ST8SIA6: variants seen among roughly 807,000 people sequenced by gnomAD.
The protein encoded by ST8SIA6 is ST8 alpha-N-acetyl-neuraminide alpha-2,8-sialyltransferase 6, also known as alpha-2,8-sialyltransferase 8F.
ST8SIA6 carries 39 observed loss-of-function variants against 33.6 expected under a neutral mutation model. That is an observed-to-expected ratio of 1.16 (90% confidence interval 0.90 to 1.52). The LOEUF (loss-of-function observed/expected upper bound fraction) is 1.52, where lower values mean the gene tolerates loss of function less well. Among genes scored for constraint, ST8SIA6 ranks in the 40% most tolerant of loss-of-function variants. The pLI is 0.00. For synonymous variants in ST8SIA6, 172 were observed against 167.2 expected, an observed-to-expected ratio of 1.03 and a Z score of -0.22; for missense variants, 441 against 443.8, an observed-to-expected ratio of 0.99 and a Z score of 0.06.
At chr10:17,374,764 T>TATATATATATATATTTACAC (rs1441288579) in intron 3 of ST8SIA6, among the ~76,000 whole-genome samples, 1 of 126,848 alleles carries the variant, frequency 7.9e-6, no homozygotes, top group Non-Finnish European at 1.7e-5. Context: ...TATATATATA[T>TATATATATATATATTTACAC]ATATTTAGCT....
At chr10:17,432,624 T>A (rs1331738411) in intron 2 of ST8SIA6, among the ~76,000 whole-genome samples, 4 of 152,192 alleles carry the variant, frequency 2.6e-5, no homozygotes, top group African/African-American at 9.7e-5. Flanking sequence ...GACACCAAAT[T>A]GGTGTCTGAT....
chr10:17,415,801 G>GTTTT (rs1851587746), intron 2 of ST8SIA6, among the ~76,000 whole-genome samples: 2 of 124,374 alleles, frequency 1.6e-5, no homozygotes, highest in Non-Finnish European at 3.3e-5. Context: ...CGCCTCACTT[G>GTTTT]TCTTTTTTTT....
rs371617676 is a variant in ST8SIA6, at chr10:17,390,530, C to A, written c.290+1G>T. 6.2e-7 allele frequency: 1 copy of A among 1,609,644 alleles called. No homozygotes were observed. The highest frequency in any genetic ancestry group is 1.1e-5 in the South Asian group (1 of 90,610). On this transcript the variant is annotated splice_donor_variant, in intron 3 of 7. Transcript: ENST00000377602. LOFTEE classifies it high-confidence loss of function. Reference sequence around the variant, plus strand: ...AATTAAATGTGAAGAGTAGAACTTACCCTTTCGTTTTGTTAGAGAAAGACT... The same window carrying A: ...AATTAAATGTGAAGAGTAGAACTTAACCTTTCGTTTTGTTAGAGAAAGACT...
intron 3 of ST8SIA6, among the ~76,000 whole-genome samples, chr10:17,385,286 T>TC: frequency 6.6e-6 from 1 of 152,200 alleles, no homozygotes; most frequent in East Asian, 1.9e-4. Flanking sequence ...ACCTGGAAGT[T>TC]CCCCCCACAC....
intron 3 of ST8SIA6, among the ~76,000 whole-genome samples, chr10:17,377,496 G>A (rs1849957458): frequency 6.6e-6 from 1 of 152,172 alleles, no homozygotes; most frequent in Admixed American, 6.5e-5. Context: ...GCTATGTGCT[G>A]CACCCTTGTG....
chr10:17,421,632 A>G (rs1163327428), intron 2 of ST8SIA6, among the ~76,000 whole-genome samples: 2 of 152,076 alleles, frequency 1.3e-5, no homozygotes, highest in African/African-American at 4.8e-5. Context: ...GTGTAATCAC[A>G]GCTCACTGCT....
Position 17,321,300 on chromosome 10 carries a change from C to G in ST8SIA6, c.775G>C (p.Ala259Pro). 6.2e-7 allele frequency: 1 copy of G among 1,612,690 alleles called. No individual in the cohort carries two copies. Among genetic ancestry groups the G allele is most frequent in the South Asian group, 1.1e-5 (1 of 90,602 alleles). ...AGAAAAAATGCATCTCCATAGGTTG[C>G]AATGTCCTCCAGAAATAGGGCTTTT... The part of the protein sequence containing the change: ...EKKALFLEDI[A>P]TYGDAFFLLP... Residue 259 changes from alanine to proline, a missense_variant, in exon 8 of 8, where the codon GCA becomes CCA. By Grantham distance (27) the Ala-to-Pro change is conservative. Transcript: ENST00000377602.
At chr10:17,440,291 C>G (rs1026587135) in intron 2 of ST8SIA6, among the ~76,000 whole-genome samples, 2 of 150,728 alleles carry the variant, frequency 1.3e-5, no homozygotes, top group African/African-American at 5.0e-5. Flanking sequence ...ACTGCAACTC[C>G]GCCTCCCGGG....
chr10:17,406,379 G>T (rs747104448), intron 2 of ST8SIA6, among the ~76,000 whole-genome samples: 2 of 152,068 alleles, frequency 1.3e-5, no homozygotes, highest in Admixed American at 6.6e-5. Flanking sequence ...CCACTTCTAG[G>T]ATCCTGGGAC....
At chr10:17,448,512 C>T (rs769527818) in intron 2 of ST8SIA6, among the ~76,000 whole-genome samples, 4 of 152,208 alleles carry the variant, frequency 2.6e-5, no homozygotes, top group Non-Finnish European at 5.9e-5. Flanking sequence ...CGGGCCGTTT[C>T]ATTAATCTCC....
intron 4 of ST8SIA6, among the ~76,000 whole-genome samples, chr10:17,334,551 A>AATTAAT (rs1554785998): frequency 1.4e-5 from 2 of 142,774 alleles, no homozygotes; most frequent in African/African-American, 5.1e-5. Flanking sequence ...AAAAAAAAAA[A>AATTAAT]ATTATTATTA....
Position 17,349,950 on chromosome 10 carries a change from AC to A in ST8SIA6, c.377+9563del, listed in dbSNP as rs1848976616. Reference sequence around the variant, plus strand: ...AAATTAAATAAACACACACACACACACACATACACACACAAATGAAAATGTA... The same window carrying A: ...AAATTAAATAAACACACACACACACAACATACACACACAAATGAAAATGTA... On this transcript the variant is annotated intron_variant, in intron 4 of 7. Coordinates refer to ENST00000377602, the MANE Select transcript of ST8SIA6 (RefSeq NM_001004470.3). Among the ~76,000 whole-genome samples, 4 of 152,244 alleles carry A rather than the reference AC, an allele frequency of 2.6e-5. No homozygotes were observed. The South Asian group carries it at 8.3e-4, about 32-fold the overall frequency.
chr10:17,324,225 G>T (rs1206655967), intron 6 of ST8SIA6, among the ~76,000 whole-genome samples: 1 of 152,092 alleles, frequency 6.6e-6, no homozygotes, highest in African/African-American at 2.4e-5. Flanking sequence ...CCTAAGGAAG[G>T]TTGTTCAAAG....
chr10:17,365,483 G>A (rs948075233), intron 3 of ST8SIA6, among the ~76,000 whole-genome samples: 2 of 152,140 alleles, frequency 1.3e-5, no homozygotes, highest in Non-Finnish European at 2.9e-5. Context: ...CAATTCATAA[G>A]TTTAAAATCG....
intron 3 of ST8SIA6, among the ~76,000 whole-genome samples, chr10:17,373,550 A>G (rs1285742790): frequency 6.6e-6 from 1 of 152,150 alleles, no homozygotes. Context: ...GATACTGCCA[A>G]TAAAGCCCTC....
chr10:17,384,316 T>TG (rs1457238050), intron 3 of ST8SIA6, among the ~76,000 whole-genome samples: 1 of 152,232 alleles, frequency 6.6e-6, no homozygotes, highest in Non-Finnish European at 1.5e-5. Flanking sequence ...TGACTGGGCT[T>TG]GGCTTTTAAA....
At chr10:17,425,776 A>G (rs541997650) in intron 2 of ST8SIA6, among the ~76,000 whole-genome samples, 58 of 152,048 alleles carry the variant, frequency 3.8e-4, no homozygotes, top group African/African-American at 1.3e-3. Flanking sequence ...AAAGAAATGT[A>G]AGTAGGTTGT....
At chr10:17,327,351 C>G (rs764623030) in intron 5 of ST8SIA6, among the ~76,000 whole-genome samples, 1 of 151,976 alleles carries the variant, frequency 6.6e-6, no homozygotes, top group Non-Finnish European at 1.5e-5. Flanking sequence ...CTTTGGGAGG[C>G]CAAGGAGGGT....
chr10:17,374,071 C>CACA lies in ST8SIA6; in HGVS notation c.291-14472_291-14471insTGT, dbSNP rs1225769260. On this transcript the variant is annotated intron_variant, in intron 3 of 7. Transcript: ENST00000377602. ...AGTTATCTTTTAACATCAACAACCACCACACACACACACACACACACACAC... is the reference window on the plus strand; with the variant it reads ...AGTTATCTTTTAACATCAACAACCACACACACACACACACACACACACACACAC... Among the ~76,000 whole-genome samples, 1,102 of 139,074 alleles carry CACA rather than the reference C, an allele frequency of 7.9e-3. 9 individuals carry two copies. The highest frequency in any genetic ancestry group is 0.051 in the Middle Eastern group (14 of 276). The allele number at this position is 139,074 out of a possible 152,430, so 91.2% of individuals were successfully genotyped here. A position where few individuals can be genotyped will look rare whatever the true frequency, so the allele number is the denominator to read the frequency against.
Sources: gnomAD v4.1 joint callset for allele counts (sites outside exome capture counted in the v4.1 genomes callset) on GRCh38, gnomAD v4.1.1 for gene constraint, MANE v1.5 for transcripts, NCBI Gene and HGNC (gene_info 2026-07-23, HGNC 2026-07-21) for gene names.